PCSK2: variants seen among roughly 807,000 people sequenced by gnomAD.
The protein encoded by PCSK2 is neuroendocrine convertase 2.
PCSK2 carries 14 observed loss-of-function variants against 69.7 expected under a neutral mutation model. The observed-to-expected ratio is 0.20, with a 90% CI of 0.13 to 0.31. The LOEUF is 0.31. PCSK2 is among the 10% of genes least tolerant of loss of function. The probability of loss-of-function intolerance (pLI) is 1.00; values close to 1 mark genes in which losing one functional copy is unlikely to be tolerated. For synonymous variants in PCSK2, 307 were observed against 320.7 expected, an observed-to-expected ratio of 0.96 and a Z score of 0.46; for missense variants, 544 against 842.5, an observed-to-expected ratio of 0.65 and a Z score of 4.39.
At chr20:17,426,555 G>C (rs527537977) in intron 6 of PCSK2, among the ~76,000 whole-genome samples, 1 of 152,346 alleles carries the variant, frequency 6.6e-6, no homozygotes, top group Non-Finnish European at 1.5e-5. Flanking sequence ...CATATAAAAA[G>C]AGGTTCATTA....
chr20:17,453,262 A>C lies in PCSK2; in HGVS notation c.886-480A>C, dbSNP rs933432211. Among the ~76,000 whole-genome samples, 1 of 152,164 alleles carries C rather than the reference A, an allele frequency of 6.6e-6. No individual in the cohort carries two copies. Among genetic ancestry groups the C allele is most frequent in the African/African-American group, 2.4e-5 (1 of 41,452 alleles). ...AATAAAAGGTATATATCTTCTATAAATGTTTTGTATAGCTTATGTAGCTAA... is the reference window on the plus strand; with the variant it reads ...AATAAAAGGTATATATCTTCTATAACTGTTTTGTATAGCTTATGTAGCTAA... On this transcript the variant is annotated intron_variant, in intron 8 of 11. Transcript: ENST00000262545. This position sits in a 1 kb window ranked among gnomAD's most constrained non-coding sequence, Gnocchi z 4.0.
intron 11 of PCSK2, among the ~76,000 whole-genome samples, chr20:17,471,590 C>A (rs945290051): frequency 7.2e-5 from 11 of 152,218 alleles, no homozygotes; most frequent in African/African-American, 2.7e-4. Flanking sequence ...GCAATAGGAC[C>A]GGCGGGCCAG....
At chr20:17,440,688 C>G (rs1208742447) in intron 8 of PCSK2, among the ~76,000 whole-genome samples, 1 of 152,092 alleles carries the variant, frequency 6.6e-6, no homozygotes, top group East Asian at 1.9e-4. Context: ...TGGTGAAACC[C>G]CGTCTCTACT....
intron 1 of PCSK2, among the ~76,000 whole-genome samples, chr20:17,245,571 A>G (rs1054725811): frequency 1.3e-5 from 2 of 152,104 alleles, no homozygotes; most frequent in South Asian, 4.1e-4. Flanking sequence ...TGCTCCAAAG[A>G]GCTTGGACCT....
chr20:17,271,970 C>T (rs1943056609), intron 2 of PCSK2, among the ~76,000 whole-genome samples: 3 of 152,120 alleles, frequency 2.0e-5, no homozygotes, highest in Admixed American at 2.0e-4. Context: ...AGGTAGTCCA[C>T]ATAAAAGTTC....
rs370675731 is a variant in PCSK2, at chr20:17,336,599, G to A, written c.283-21728G>A. ...GATGATGTGAGGAGCAACAATGGCA[G>A]TTCTGGCTTCTGAATGTGAAGCTGG... is the stretch of plus-strand genomic sequence containing the variant. On this transcript the variant is annotated intron_variant, in intron 2 of 11. Coordinates refer to ENST00000262545, the MANE Select transcript of PCSK2 (RefSeq NM_002594.5). 2.1e-4 allele frequency among the ~76,000 whole-genome samples: 32 copies of A among 152,340 alleles called. 1 individual carries two copies. In the South Asian group the frequency reaches 2.7e-3, roughly 13 times the overall value.
At chr20:17,279,741 C>G (rs918094376) in intron 2 of PCSK2, among the ~76,000 whole-genome samples, 94 of 148,544 alleles carry the variant, frequency 6.3e-4, no homozygotes, top group African/African-American at 2.2e-3. Flanking sequence ...GAGCCGAGAT[C>G]GCGCCACTGC....
intron 2 of PCSK2, among the ~76,000 whole-genome samples, chr20:17,348,687 A>T (rs2123190910): frequency 6.6e-6 from 1 of 152,168 alleles, no homozygotes; most frequent in Admixed American, 6.5e-5. Context: ...TGAGGGAAGG[A>T]CCTGTTCCAG....
At chr20:17,373,846 C>CA in intron 5 of PCSK2, among the ~76,000 whole-genome samples, 1 of 152,158 alleles carries the variant, frequency 6.6e-6, no homozygotes, top group African/African-American at 2.4e-5. Flanking sequence ...TAATCTAATT[C>CA]AAAAAATCCA....
At chr20:17,411,260 A>G (rs1270420045) in intron 6 of PCSK2, among the ~76,000 whole-genome samples, 3 of 152,144 alleles carry the variant, frequency 2.0e-5, no homozygotes, top group Non-Finnish European at 2.9e-5. Context: ...GGGTCGGAGG[A>G]TTTCCCTTTC....
chr20:17,388,879 A>G (rs2123267207), intron 5 of PCSK2, among the ~76,000 whole-genome samples: 1 of 152,252 alleles, frequency 6.6e-6, no homozygotes, highest in East Asian at 1.9e-4. Context: ...TAACAGTATC[A>G]CTGATGTTCA....
intron 2 of PCSK2, among the ~76,000 whole-genome samples, chr20:17,327,056 C>A (rs1396262885): frequency 6.6e-6 from 1 of 152,186 alleles, no homozygotes; most frequent in Non-Finnish European, 1.5e-5. Context: ...TGGATGAATT[C>A]TAGACCCAAC....
intron 2 of PCSK2, among the ~76,000 whole-genome samples, chr20:17,289,875 T>G (rs1988640369): frequency 6.6e-6 from 1 of 152,220 alleles, no homozygotes; most frequent in African/African-American, 2.4e-5. Flanking sequence ...TTTTTTGTAG[T>G]AAATGAGATT....
intron 11 of PCSK2, among the ~76,000 whole-genome samples, chr20:17,475,290 G>T (rs1314320017): frequency 6.6e-6 from 1 of 151,558 alleles, no homozygotes; most frequent in African/African-American, 2.4e-5. Flanking sequence ...GAAGACCACA[G>T]TTAGCAGCCA....
chr20:17,227,039 C>T (rs1985937852), upstream of PCSK2: 2 of 446,010 alleles, frequency 4.5e-6, no homozygotes, highest in Non-Finnish European at 4.0e-6. Context: ...GACCTACACT[C>T]GCTCTTTCTC....
intron 2 of PCSK2, among the ~76,000 whole-genome samples, chr20:17,339,494 G>A (rs1344526786): frequency 1.4e-5 from 2 of 146,856 alleles, no homozygotes; most frequent in African/African-American, 2.5e-5. Flanking sequence ...CAATTAAAAT[G>A]TTTTGGTTGT....
At chr20:17,349,500 C>G (rs981087495) in intron 2 of PCSK2, among the ~76,000 whole-genome samples, 6 of 152,148 alleles carry the variant, frequency 3.9e-5, no homozygotes, top group African/African-American at 1.4e-4. Flanking sequence ...CCCAGAAATG[C>G]CTCAGATCCT....
chr20:17,391,950 G>GGAAGGAAGGA (rs1568630729), intron 5 of PCSK2, among the ~76,000 whole-genome samples: 4 of 22,276 alleles, frequency 1.8e-4, no homozygotes, highest in African/African-American at 3.0e-4. Context: ...GGAAGGAAGG[G>GGAAGGAAGGA]GAAGGGAAAG....
At chr20:17,401,299 G>A (rs187948647) in intron 5 of PCSK2, among the ~76,000 whole-genome samples, 3 of 152,316 alleles carry the variant, frequency 2.0e-5, no homozygotes, top group African/African-American at 4.8e-5. Flanking sequence ...CTGGAGACCA[G>A]AATTCCAAGA....
Sources: gnomAD v4.1 joint callset for allele counts (sites outside exome capture counted in the v4.1 genomes callset) on GRCh38, gnomAD v4.1.1 for gene constraint, Gnocchi (gnomAD v3.1) non-coding constraint, MANE v1.5 for transcripts, NCBI Gene and HGNC (gene_info 2026-07-23, HGNC 2026-07-21) for gene names.